Variants in RHOBTB1 observed in about 807,000 individuals in gnomAD.
RHOBTB1 encodes the protein Rho related BTB domain containing 1.
Under a neutral mutation model 71.6 loss-of-function variants are expected in RHOBTB1, and 40 were observed. The ratio of observed to expected loss-of-function variants is 0.56; its 90% CI spans 0.43 to 0.73. The LOEUF (loss-of-function observed/expected upper bound fraction) is 0.73, where lower values mean the gene tolerates loss of function less well. Ranked by LOEUF, RHOBTB1 falls within the 30% of genes least tolerant of loss-of-function variation. RHOBTB1 has a pLI of 0.00. For missense variants in RHOBTB1, 797 were observed against 894.0 expected (o/e 0.89, Z 1.38); for synonymous variants, 319 against 334.9 (o/e 0.95, Z 0.52).
chr10:60,940,280 T>A (rs2084831845), intron 2 of RHOBTB1, among the ~76,000 whole-genome samples: 1 of 152,180 alleles, frequency 6.6e-6, no homozygotes, highest in African/African-American at 2.4e-5. Context: ...CCCCATTTCA[T>A]TTTTTAGTAC....
intron 4 of RHOBTB1, among the ~76,000 whole-genome samples, chr10:60,894,122 T>C (rs1452696681): frequency 6.6e-6 from 1 of 151,932 alleles, no homozygotes; most frequent in Non-Finnish European, 1.5e-5. Context: ...TTAATGAGCT[T>C]CCCCCCCTAC....
intron 2 of RHOBTB1, among the ~76,000 whole-genome samples, chr10:60,928,478 A>T (rs2084024918): frequency 6.6e-6 from 1 of 151,904 alleles, no homozygotes; most frequent in Non-Finnish European, 1.5e-5. Context: ...AACAACATGG[A>T]TGGAACTGGA....
intron 2 of RHOBTB1, among the ~76,000 whole-genome samples, chr10:60,930,137 GA>G (rs1480867877): frequency 1.3e-5 from 2 of 152,034 alleles, no homozygotes; most frequent in Non-Finnish European, 2.9e-5. Flanking sequence ...TTATAAATGG[GA>G]AATGTTTTAA....
intron 2 of RHOBTB1, among the ~76,000 whole-genome samples, chr10:60,958,749 CACCA>C (rs1308557020): frequency 6.6e-6 from 1 of 151,896 alleles, no homozygotes; most frequent in Non-Finnish European, 1.5e-5. Flanking sequence ...TACAGGTGTG[CACCA>C]CCATGCCCAG....
At chr10:60,915,708 G>C (rs989655971) in intron 2 of RHOBTB1, among the ~76,000 whole-genome samples, 6 of 152,174 alleles carry the variant, frequency 3.9e-5, no homozygotes, top group African/African-American at 1.4e-4. Context: ...AGAAAAGCGT[G>C]ATCATGCTCT....
In RHOBTB1 at chr10:60,892,917, T is replaced by A; in HGVS notation, c.375A>T (p.Glu125Asp). 6.2e-7 allele frequency: 1 copy of A among 1,614,110 alleles called. No individual in the cohort carries two copies. The highest frequency in any genetic ancestry group is 8.5e-7 in the Non-Finnish European group (1 of 1,179,978). Residue 125 changes from glutamate (E) to aspartate (D), a missense_variant, in exon 5 of 11, where the codon GAA becomes GAT. By Grantham distance (45) the Glu-to-Asp change is conservative (BLOSUM62 2). Coordinates refer to ENST00000337910, the MANE Select transcript of RHOBTB1 (RefSeq NM_014836.5). ...GTGTTCGAGGGCAAAAGTGCTTGAT[T>A]TCTGGATACCACATGCTTTTCACAT... ...LNHVKSMWYP[E>D]IKHFCPRTPV... is the part of the protein sequence containing the mutation.
Position 60,888,825 on chromosome 10 carries a change from A to G in RHOBTB1, c.843T>C (p.His281=), listed in dbSNP as rs751683655. 2 of 1,614,104 alleles carry G rather than the reference A, an allele frequency of 1.2e-6. No homozygotes were observed. Among genetic ancestry groups the G allele is most frequent in the African/African-American group, 2.7e-5 (2 of 74,946 alleles). Reference sequence around the variant, plus strand: ...AAGAAGAGGTAGCGAGGTAAATTCGATGTGCAAAGATGTGTTCCTGGTCCT... The same window carrying G: ...AAGAAGAGGTAGCGAGGTAAATTCGGTGTGCAAAGATGTGTTCCTGGTCCT... ...ILQDQEHIFA[H]RIYLATSSSK... is the part of the protein sequence containing the mutation. Residue 281 remains histidine, a synonymous_variant, in exon 6 of 11, where the codon CAT becomes CAC. Coordinates refer to ENST00000337910, the MANE Select transcript of RHOBTB1 (RefSeq NM_014836.5).
intron 4 of RHOBTB1, among the ~76,000 whole-genome samples, chr10:60,896,059 AT>A (rs1033707541): frequency 9.9e-5 from 15 of 151,656 alleles, no homozygotes; most frequent in East Asian, 7.7e-4. Context: ...ATTTTGAGCC[AT>A]TTTTTTTTAA....
At chr10:60,987,919 CTTTTTTTTT>C (rs71018937) in intron 1 of RHOBTB1, among the ~76,000 whole-genome samples, 12 of 53,738 alleles carry the variant, frequency 2.2e-4, no homozygotes, top group African/African-American at 8.0e-4. Context: ...AAATACTCAA[CTTTTTTTTT>C]TTTTTTTTTT....
intron 2 of RHOBTB1, among the ~76,000 whole-genome samples, chr10:60,932,873 T>C (rs1421532488): frequency 2.0e-5 from 3 of 152,210 alleles, no homozygotes; most frequent in African/African-American, 7.2e-5. Context: ...CTCCACTACC[T>C]TCTGTAGTAA....
At chr10:60,922,042 C>T (rs1050484296) in intron 2 of RHOBTB1, among the ~76,000 whole-genome samples, 99 of 152,046 alleles carry the variant, frequency 6.5e-4, no homozygotes, top group African/African-American at 2.4e-3. Context: ...CAAATGAGTG[C>T]TTGTTTATTT....
chr10:60,992,428 A>G (rs1212420717), intron 1 of RHOBTB1, among the ~76,000 whole-genome samples: 1 of 152,238 alleles, frequency 6.6e-6, no homozygotes, highest in African/African-American at 2.4e-5. Context: ...CAAAGTCCAC[A>G]GACATGCTGG....
the RHOBTB1 span, among the ~76,000 whole-genome samples, chr10:60,861,286 A>G: frequency 6.6e-6 from 1 of 152,166 alleles, no homozygotes; most frequent in Non-Finnish European, 1.5e-5. Context: ...CTTCATTTGC[A>G]TCATCTGTTT....
intron 2 of RHOBTB1, among the ~76,000 whole-genome samples, chr10:60,959,261 G>T (rs2085701367): frequency 6.6e-6 from 1 of 152,162 alleles, no homozygotes; most frequent in African/African-American, 2.4e-5. Flanking sequence ...GGTTCTTTAT[G>T]AAACAGTCAC....
At chr10:60,882,336 T>A (rs1388602879) in intron 7 of RHOBTB1, among the ~76,000 whole-genome samples, 1 of 152,172 alleles carries the variant, frequency 6.6e-6, no homozygotes, top group East Asian at 1.9e-4. Context: ...AGAGGCAGTC[T>A]CATAGAGAAT....
At chr10:60,885,143 C>T (rs2081509530) in intron 7 of RHOBTB1, among the ~76,000 whole-genome samples, 1 of 151,980 alleles carries the variant, frequency 6.6e-6, no homozygotes, top group South Asian at 2.1e-4. Flanking sequence ...AATAATGTAT[C>T]GTATATTTCA....
chr10:60,946,092 C>T, upstream of RHOBTB1, among the ~76,000 whole-genome samples: 1 of 151,980 alleles, frequency 6.6e-6, no homozygotes, highest in East Asian at 1.9e-4. Flanking sequence ...GCAGAAGAAT[C>T]GCTTGAACCT....
At chr10:60,940,596 C>A (rs774302403) in intron 2 of RHOBTB1, among the ~76,000 whole-genome samples, 4 of 152,138 alleles carry the variant, frequency 2.6e-5, no homozygotes, top group Non-Finnish European at 5.9e-5. Flanking sequence ...TCAAACAGCT[C>A]ACAATTTTGG....
At chr10:60,900,050 C>T (rs1479431213) in intron 4 of RHOBTB1, among the ~76,000 whole-genome samples, 4 of 152,078 alleles carry the variant, frequency 2.6e-5, no homozygotes, top group Non-Finnish European at 4.4e-5. Flanking sequence ...GCCTGTGGTG[C>T]CCTCCTGGAG....
Sources: gnomAD v4.1 joint callset for allele counts (sites outside exome capture counted in the v4.1 genomes callset) on GRCh38, gnomAD v4.1.1 for gene constraint, MANE v1.5 for transcripts, NCBI Gene and HGNC (gene_info 2026-07-23, HGNC 2026-07-21) for gene names.